Variants in AKR1B1 observed in about 807,000 individuals in gnomAD.
The protein encoded by AKR1B1 is aldo-keto reductase family 1 member B1.
Under a neutral mutation model 40.4 loss-of-function variants are expected in AKR1B1, and 22 were observed. The observed-to-expected ratio is 0.54, with a 90% CI of 0.39 to 0.78. The LOEUF is 0.78. AKR1B1 is among the 30% of genes least tolerant of loss of function. AKR1B1 has a pLI of 0.00. For synonymous variants in AKR1B1, 157 were observed against 149.9 expected (o/e 1.05, Z -0.35); for missense variants, 357 against 396.7 (o/e 0.90, Z 0.85).
At position 134,448,444 on chromosome 7, in the gene AKR1B1, T is replaced by C. The variant is rs749975265; in HGVS notation, c.602A>G (p.Gln201Arg). 4 of 1,613,932 alleles carry C rather than the reference T, an allele frequency of 2.5e-6. No homozygotes were observed. Among genetic ancestry groups the C allele is most frequent in the Admixed American group, 1.7e-5 (1 of 59,992 alleles). Residue 201 changes from glutamine (Q) to arginine (R), a missense_variant, in exon 6 of 10, where the codon CAG (glutamine) becomes CGG (arginine). Transcript: ENST00000285930. ...LTQEKLIQYCQSKGIVVTAYS... is the reference protein window; with the variant it reads ...LTQEKLIQYCRSKGIVVTAYS... ...GGCGGTCACCACGATGCCTTTGGACTGGCAGTACTGGATTAACTTCTCCTG... is the reference window on the plus strand; with the variant it reads ...GGCGGTCACCACGATGCCTTTGGACCGGCAGTACTGGATTAACTTCTCCTG...
intron 1 of AKR1B1, among the ~76,000 whole-genome samples, chr7:134,457,342 G>A (rs1806502060): frequency 6.6e-6 from 1 of 152,160 alleles, no homozygotes; most frequent in Admixed American, 6.5e-5. Flanking sequence ...GTTGCATCAT[G>A]CTTAGAAAGT....
intron 9 of AKR1B1, among the ~76,000 whole-genome samples, chr7:134,443,563 AACAGGGCAGGGAGC>A (rs373216349): frequency 1.6e-3 from 249 of 151,714 alleles, no homozygotes; most frequent in Non-Finnish European, 2.4e-3. Context: ...TTATATTGGA[AACAGGGCAGGGAGC>A]ACAGGGCAGG....
chr7:134,451,452 G>A (rs2117458071), intron 2 of AKR1B1, 134 bp downstream of exon 2: 1 of 1,123,960 alleles, frequency 8.9e-7, no homozygotes, highest in South Asian at 1.3e-5. Flanking sequence ...ATGGCCGTGG[G>A]TGATACGTTT....
intron 5 of AKR1B1, 46 bp from the exon 6 acceptor site, chr7:134,448,539 G>C (rs2734653): frequency 7.0e-7 from 1 of 1,422,380 alleles, no homozygotes; most frequent in Non-Finnish European, 9.9e-7. Flanking sequence ...GTGGCTACAC[G>C]CTGATGGGAC....
chr7:134,456,390 G>A (rs1585719413), intron 1 of AKR1B1, among the ~76,000 whole-genome samples: 1 of 151,884 alleles, frequency 6.6e-6, no homozygotes, highest in Admixed American at 6.6e-5. Flanking sequence ...TAGTAGAGAC[G>A]GGGTTTCACC....
chr7:134,445,414 C>G, intron 8 of AKR1B1, 94 bp from the exon 9 acceptor site: 2 of 1,001,116 alleles, frequency 2.0e-6, no homozygotes, highest in East Asian at 2.6e-5. Context: ...TGGCTTTGAG[C>G]AGAGAGGAGC....
At chr7:134,457,311 G>A (rs1056262323) in intron 1 of AKR1B1, among the ~76,000 whole-genome samples, 2 of 152,144 alleles carry the variant, frequency 1.3e-5, no homozygotes, top group African/African-American at 4.8e-5. Context: ...TTTTATTCCA[G>A]TTACATGTAT....
At chr7:134,445,424 C>T (rs977547699) in intron 8 of AKR1B1, 104 bp from the exon 9 acceptor site, 51 of 936,992 alleles carry the variant, frequency 5.4e-5, no homozygotes, top group Non-Finnish European at 7.4e-5. Flanking sequence ...CAGAGAGGAG[C>T]GATAAGATAA....
upstream of AKR1B1, chr7:134,459,196 T>G: frequency 8.8e-7 from 1 of 1,137,774 alleles, no homozygotes; most frequent in Admixed American, 2.0e-5. Context: ...GCCTTCTGAT[T>G]GGTTGCGCTG....
chr7:134,445,994 G>A (rs903388388), intron 8 of AKR1B1, among the ~76,000 whole-genome samples: 2 of 152,242 alleles, frequency 1.3e-5, no homozygotes, highest in Admixed American at 6.5e-5. Flanking sequence ...TCCCAGAGCC[G>A]AAGGGCTCTT....
chr7:134,447,613 GCATAT>G, intron 7 of AKR1B1: 1 of 636,694 alleles, frequency 1.6e-6, no homozygotes, highest in Non-Finnish European at 2.8e-6. Flanking sequence ...AGTGTCTCAG[GCATAT>G]CATGAGACCA....
chr7:134,458,277 G>A (rs1256078257), intron 1 of AKR1B1, among the ~76,000 whole-genome samples: 2 of 152,032 alleles, frequency 1.3e-5, no homozygotes, highest in Non-Finnish European at 2.9e-5. Context: ...GTTTTACAGG[G>A]AAAATGCTAA....
At chr7:134,452,337 T>G (rs1763518975) in intron 1 of AKR1B1, among the ~76,000 whole-genome samples, 1 of 152,108 alleles carries the variant, frequency 6.6e-6, no homozygotes, top group Non-Finnish European at 1.5e-5. Flanking sequence ...CAATTCTCAC[T>G]GTATGAGGAT....
chr7:134,447,342 T>A lies in AKR1B1; in HGVS notation c.781A>T (p.Ile261Phe). The change falls in exon 8 of 10, where the codon ATC (isoleucine) becomes TTC (phenylalanine). Residue 261 changes from isoleucine to phenylalanine, a missense_variant. Physicochemically the swap from Ile to Phe is conservative, Grantham distance 21 (BLOSUM62 0). Coordinates refer to ENST00000285930, the MANE Select transcript of AKR1B1 (RefSeq NM_001628.4). ...CGTTCTGGTGTCACAGACTTGGGGATCACCACCAAGTTCCTCTGCATGGGG... is the reference window on the plus strand; with the variant it reads ...CGTTCTGGTGTCACAGACTTGGGGAACACCACCAAGTTCCTCTGCATGGGG... ...RFPMQRNLVVIPKSVTPERIA... is the reference protein window; with the variant it reads ...RFPMQRNLVVFPKSVTPERIA... 1 of 1,614,072 alleles carries A rather than the reference T, an allele frequency of 6.2e-7. No individual in the cohort carries two copies. The highest frequency in any genetic ancestry group is 8.5e-7 in the Non-Finnish European group (1 of 1,179,998).
At chr7:134,443,951 AT>A (rs1371845682) in intron 9 of AKR1B1, among the ~76,000 whole-genome samples, 1 of 152,124 alleles carries the variant, frequency 6.6e-6, no homozygotes, top group Non-Finnish European at 1.5e-5. Flanking sequence ...ACGCAACAGG[AT>A]AATCGAACAG....
intron 6 of AKR1B1, 21 bp from the exon 7 acceptor site, chr7:134,448,082 C>T (rs780486899): frequency 1.9e-6 from 3 of 1,591,434 alleles, no homozygotes; most frequent in Non-Finnish European, 2.6e-6. Flanking sequence ...AAAGACAGTC[C>T]AGGTCACACC....
chr7:134,456,961 C>T (rs1047141243), intron 1 of AKR1B1, among the ~76,000 whole-genome samples: 2 of 152,066 alleles, frequency 1.3e-5, no homozygotes, highest in African/African-American at 2.4e-5. Context: ...CATAGGGAAA[C>T]CTGTCTCTAC....
chr7:134,442,549 T>G lies in AKR1B1; in HGVS notation c.*179A>C. 1 of 602,022 alleles carries G rather than the reference T, an allele frequency of 1.7e-6. No individual in the cohort carries two copies. Among genetic ancestry groups the G allele is most frequent in the Admixed American group, 2.9e-5 (1 of 34,746 alleles). 37.3% of individuals were successfully genotyped at this position (602,022 alleles called of 1,614,324 possible). A position where few individuals can be genotyped will look rare whatever the true frequency, so the allele number is the denominator to read the frequency against. On this transcript the variant is annotated 3_prime_UTR_variant, in exon 10 of 10. Transcript: ENST00000285930. ...AAGGGCAAAGCAAACTGGAAGAGAC[T>G]TCTACTCTACTGACAGGGCTCTTGA...
At chr7:134,452,542 A>G (rs971105879) in intron 1 of AKR1B1, among the ~76,000 whole-genome samples, 5 of 152,122 alleles carry the variant, frequency 3.3e-5, no homozygotes, top group African/African-American at 4.8e-5. Flanking sequence ...AGCTGTGGGG[A>G]GCCTGGCTAC....
Sources: allele counts gnomAD v4.1 joint callset (sites outside exome capture counted in the v4.1 genomes callset), GRCh38; gene constraint gnomAD v4.1.1; transcripts MANE v1.5; gene names NCBI Gene and HGNC (gene_info 2026-07-23, HGNC 2026-07-21).